Variants in SH3TC2 observed in about 807,000 individuals in gnomAD.
The protein encoded by SH3TC2 is SH3 domain and tetratricopeptide repeats 2, also known as SH3 domain and tetratricopeptide repeat-containing protein 2.
SH3TC2 carries 87 observed loss-of-function variants against 124.5 expected under a neutral mutation model. The ratio of observed to expected loss-of-function variants is 0.70; its 90% CI spans 0.59 to 0.84. The LOEUF (loss-of-function observed/expected upper bound fraction) is 0.84. SH3TC2 is among the 40% of genes least tolerant of loss of function. The pLI is 0.00. For synonymous variants in SH3TC2, 634 were observed against 628.5 expected, an observed-to-expected ratio of 1.01 and a Z score of -0.13; for missense variants, 1,536 against 1,566.4, an observed-to-expected ratio of 0.98 and a Z score of 0.33.
intron 12 of SH3TC2, among the ~76,000 whole-genome samples, chr5:149,017,968 G>A (rs1753903292): frequency 6.6e-6 from 1 of 152,190 alleles, no homozygotes; most frequent in South Asian, 2.1e-4. Context: ...TACTACAACT[G>A]CAGAGTGGAG....
chr5:149,008,396 T>C (rs1014960326), intron 15 of SH3TC2: 2 of 228,262 alleles, frequency 8.8e-6, no homozygotes, highest in African/African-American at 2.3e-5. Flanking sequence ...TTTAGCTTCA[T>C]GGGAAAATGC....
In SH3TC2 at chr5:148,996,971, T is replaced by C. The variant is rs1441265397; in HGVS notation, c.*7740A>G. ...GTTAGGGAAGTAGATAATTAAGCAT[T>C]CCTGAATACTAAGTGAGTAAAAAAA... On this transcript the variant is annotated 3_prime_UTR_variant, in exon 17 of 17. Transcript: ENST00000515425. 6.6e-6 allele frequency among the ~76,000 whole-genome samples: 1 copy of C among 152,210 alleles called. No individual in the cohort carries two copies. Among genetic ancestry groups the C allele is most frequent in the Non-Finnish European group, 1.5e-5 (1 of 68,044 alleles).
At chr5:149,008,392 T>C (rs1006285872) in intron 15 of SH3TC2, 3 of 229,008 alleles carry the variant, frequency 1.3e-5, no homozygotes, top group Non-Finnish European at 2.6e-5. Flanking sequence ...ACATTTTAGC[T>C]TCATGGGAAA....
intron 12 of SH3TC2, among the ~76,000 whole-genome samples, chr5:149,018,735 ACCT>A (rs1753919298): frequency 6.6e-6 from 1 of 152,072 alleles, no homozygotes; most frequent in South Asian, 2.1e-4. Flanking sequence ...GATCACCAAA[ACCT>A]GTCTGTTAAA....
chr5:149,020,143 C>T (rs1753945077), intron 12 of SH3TC2, among the ~76,000 whole-genome samples: 1 of 149,334 alleles, frequency 6.7e-6, no homozygotes, highest in Non-Finnish European at 1.5e-5. Context: ...CACACACACA[C>T]TAGGAAAAGT....
In SH3TC2 at chr5:149,009,020, G is replaced by A. The variant is rs1753738509; in HGVS notation, c.3328-19C>T. 1.9e-6 allele frequency: 3 copies of A among 1,613,998 alleles called. No individual in the cohort carries two copies. The highest frequency in any genetic ancestry group is 2.5e-6 in the Non-Finnish European group (3 of 1,180,012). On this transcript the variant is annotated intron_variant, in intron 14 of 16. Coordinates refer to ENST00000515425, the MANE Select transcript of SH3TC2 (RefSeq NM_024577.4). ...CTCCAGCCTAGGAACAGAAGCCCAA[G>A]GAACCTTAGTCTAGCTAGGAATCCT...
chr5:149,062,956 C>A lies in SH3TC2; in HGVS notation c.52+15G>T. On this transcript the variant is annotated intron_variant, in intron 1 of 16. Coordinates refer to ENST00000515425, the MANE Select transcript of SH3TC2 (RefSeq NM_024577.4). ...TTGGCCAAGCCACAGGCCAAGGGCC[C>A]CCTGGGAAACTCACCTGGGCCCCGG... 6.3e-7 allele frequency: 1 copy of A among 1,580,624 alleles called. No individual in the cohort carries two copies. The highest frequency in any genetic ancestry group is 2.3e-5 in the East Asian group (1 of 43,298).
rs71957589 is a variant in SH3TC2 at position 148,987,809 on chromosome 5, CTGTGTG to C, written c.*16896_*16901del. The stretch of plus-strand genomic sequence containing the variant: ...CCTCACTCGAGGCCTCATTCAAAAT[CTGTGTG>C]TGTGTGTGTGTGTGTGTGTGTGTGT... On this transcript the variant is annotated 3_prime_UTR_variant, in exon 17 of 17. Transcript: ENST00000515425. Among the ~76,000 whole-genome samples the C allele has an allele frequency of 0.066, 8,887 of 135,322 alleles. 323 individuals carry two copies. The highest frequency in any genetic ancestry group is 0.1 in the African/African-American group (3,747 of 36,166). The allele number at this position is 135,322 out of a possible 152,430, so 88.8% of individuals were successfully genotyped here. A position where few individuals can be genotyped will look rare whatever the true frequency, so the allele number is the denominator to read the frequency against.
At chr5:149,024,571 G>T (rs2127396312) in intron 12 of SH3TC2, among the ~76,000 whole-genome samples, 1 of 152,346 alleles carries the variant, frequency 6.6e-6, no homozygotes, top group East Asian at 1.9e-4. Context: ...GAAGGTATCT[G>T]ATTCAACTTA....
chr5:148,985,459 G>A lies in SH3TC2; in HGVS notation c.*19252C>T, dbSNP rs1310911731. ...TAAAATGCCATATGGATTATATACA[G>A]TATGTAGCATTTTAAGTCTGACTTC... On this transcript the variant is annotated 3_prime_UTR_variant, in exon 17 of 17. Transcript: ENST00000515425. 6.6e-6 allele frequency among the ~76,000 whole-genome samples: 1 copy of A among 152,172 alleles called. No homozygotes were observed. The highest frequency in any genetic ancestry group is 2.4e-5 in the African/African-American group (1 of 41,450).
At chr5:149,060,894 C>A (rs1053634846) in intron 1 of SH3TC2, among the ~76,000 whole-genome samples, 3 of 152,174 alleles carry the variant, frequency 2.0e-5, no homozygotes, top group African/African-American at 4.8e-5. Context: ...GAGGGACTTG[C>A]CCAAGGTCAC....
intron 1 of SH3TC2, among the ~76,000 whole-genome samples, chr5:149,060,502 T>C (rs1754727894): frequency 6.6e-6 from 1 of 152,176 alleles, no homozygotes; most frequent in Non-Finnish European, 1.5e-5. Context: ...ATTGTGTCAC[T>C]CCACACAAAC....
Position 149,044,561 on chromosome 5 carries a change from G to T in SH3TC2, c.357C>A (p.Ile119=). Residue 119 remains isoleucine (I), a synonymous_variant, in exon 4 of 17, where the codon ATC becomes ATA. Coordinates refer to ENST00000515425, the MANE Select transcript of SH3TC2 (RefSeq NM_024577.4). The stretch of plus-strand genomic sequence containing the variant: ...AATTAAGGTAGGTGGAGAACTTCCA[G>T]ATTTCCTCCATGGTCTTGAAGGTGA... ...FLITFKTMEE[I]WKFSTYLNLG... is the part of the protein sequence containing the mutation. 1 of 1,613,982 alleles carries T rather than the reference G, an allele frequency of 6.2e-7. No individual in the cohort carries two copies. Among genetic ancestry groups the T allele is most frequent in the South Asian group, 1.1e-5 (1 of 91,076 alleles).
intron 2 of SH3TC2, among the ~76,000 whole-genome samples, chr5:149,048,581 A>T (rs1754506294): frequency 6.6e-6 from 1 of 152,212 alleles, no homozygotes; most frequent in South Asian, 2.1e-4. Flanking sequence ...CAAAATGTAC[A>T]TTCATGTAAC....
At chr5:149,016,786 G>A (rs946960186) in intron 12 of SH3TC2, among the ~76,000 whole-genome samples, 12 of 151,952 alleles carry the variant, frequency 7.9e-5, no homozygotes, top group Admixed American at 2.0e-4. Context: ...TTAGCCGGGC[G>A]TGGTGGCGGG....
At position 149,047,876 on chromosome 5, in the gene SH3TC2, G is replaced by A. The variant is rs142488510; in HGVS notation, c.265C>T (p.Arg89Cys). The change falls in exon 3 of 17, where the codon CGC becomes TGC. Residue 89 changes from arginine to cysteine, a missense_variant. By Grantham distance (180) the Arg-to-Cys change is radical. This residue lies in a region of SH3TC2 where 1,102 missense variants were observed against 1,098.6 expected (regional missense o/e 1.00). Coordinates refer to ENST00000515425, the MANE Select transcript of SH3TC2 (RefSeq NM_024577.4). ...TTCATGCTCACCTTAAACAGCATGC[G>A]CACCTCCTGGTCCTCATTCTCCAGT... ...WALENEDQEV[R>C]MLFKDLSARL... The A allele has an allele frequency of 5.3e-5, 86 of 1,614,056 alleles. No homozygotes were observed. The highest frequency in any genetic ancestry group is 1.3e-4 in the South Asian group (12 of 91,072).
chr5:149,013,713 C>G (rs1297373022), intron 12 of SH3TC2, among the ~76,000 whole-genome samples: 1 of 152,112 alleles, frequency 6.6e-6, no homozygotes, highest in African/African-American at 2.4e-5. Flanking sequence ...AATGGAGGGA[C>G]CAATGAAGAA....
chr5:148,987,282 A>G lies in SH3TC2; in HGVS notation c.*17429T>C, dbSNP rs894603100. Among the ~76,000 whole-genome samples the G allele has an allele frequency of 1.3e-5, 2 of 152,248 alleles. No homozygotes were observed. The highest frequency in any genetic ancestry group is 4.8e-5 in the African/African-American group (2 of 41,478). On this transcript the variant is annotated 3_prime_UTR_variant, in exon 17 of 17. Coordinates refer to ENST00000515425, the MANE Select transcript of SH3TC2 (RefSeq NM_024577.4). ...CTATCTGTCACCATTGGGAATGTTC[A>G]GGAATATTCTCATTGGATTGCAAGT... is the stretch of plus-strand genomic sequence containing the variant.
chr5:149,061,893 C>G (rs1266537342), intron 1 of SH3TC2, among the ~76,000 whole-genome samples: 2 of 151,992 alleles, frequency 1.3e-5, no homozygotes, highest in Admixed American at 6.5e-5. Flanking sequence ...CCTTTTGTGC[C>G]AAGGGCATCA....
Sources: allele counts gnomAD v4.1 joint callset (sites outside exome capture counted in the v4.1 genomes callset), GRCh38; gene constraint gnomAD v4.1.1; regional missense constraint gnomAD v4.1.1; transcripts MANE v1.5; gene names NCBI Gene and HGNC (gene_info 2026-07-23, HGNC 2026-07-21).